The following ANTXRL variants were observed in gnomAD, a reference collection of about 807,000 sequenced individuals.
The protein encoded by ANTXRL is anthrax toxin receptor-like.
A neutral mutation model predicts 75.4 loss-of-function variants in ANTXRL; 63 were observed. That is an observed-to-expected ratio of 0.84 (90% CI 0.68 to 1.03). The LOEUF (loss-of-function observed/expected upper bound fraction) is 1.03, where lower values mean the gene tolerates loss of function less well. ANTXRL is among the 50% of genes least tolerant of loss of function. ANTXRL has a pLI of 0.00. For synonymous variants in ANTXRL, 335 were observed against 291.3 expected (o/e 1.15, Z -1.53); for missense variants, 797 against 789.4 (o/e 1.01, Z -0.12).
At chr10:46,308,599 G>A (rs1390517933) in intron 12 of ANTXRL, 2 of 376,446 alleles carry the variant, frequency 5.3e-6, no homozygotes, top group African/African-American at 4.2e-5. Context: ...CTGGTTCTGA[G>A]CCAGGACTTG....
chr10:46,305,178 T>C (rs1175628030), intron 10 of ANTXRL, among the ~76,000 whole-genome samples: 1 of 152,182 alleles, frequency 6.6e-6, no homozygotes, highest in Non-Finnish European at 1.5e-5. Flanking sequence ...TAGATGGCAG[T>C]GTGCCTTCCC....
At chr10:46,306,517 T>G (rs1776549656) in intron 10 of ANTXRL, among the ~76,000 whole-genome samples, 1 of 152,114 alleles carries the variant, frequency 6.6e-6, no homozygotes, top group African/African-American at 2.4e-5. Context: ...TTGCACTCTC[T>G]GTCATCTGTT....
At chr10:46,323,316 A>G (rs1839065658) in intron 16 of ANTXRL, among the ~76,000 whole-genome samples, 1 of 152,168 alleles carries the variant, frequency 6.6e-6, no homozygotes, top group African/African-American at 2.4e-5. Flanking sequence ...GGATTAGCCA[A>G]TGTACTGTCT....
At position 46,300,830 on chromosome 10, in the gene ANTXRL, T is replaced by C. The variant is rs1364171869; in HGVS notation, c.797-1892T>C. ...CTGGTTGTCTATGTCTAAGCATAAT[T>C]TTCTTATTTAGTTCTTTGGTTTTCT... On this transcript the variant is annotated intron_variant, in intron 9 of 16. Transcript: ENST00000620264. Among the ~76,000 whole-genome samples the C allele has an allele frequency of 2.0e-5, 3 of 152,164 alleles. No homozygotes were observed. The East Asian group carries it at 5.8e-4, about 29-fold the overall frequency.
intron 3 of ANTXRL, among the ~76,000 whole-genome samples, chr10:46,294,900 C>T (rs1554958086): frequency 1.3e-5 from 2 of 152,104 alleles, no homozygotes; most frequent in Non-Finnish European, 2.9e-5. Context: ...AGCCATCCTT[C>T]AGGGTCCATG....
chr10:46,295,616 TAG>T (rs1209142980), intron 3 of ANTXRL, among the ~76,000 whole-genome samples: 1 of 147,958 alleles, frequency 6.8e-6, no homozygotes, highest in East Asian at 2.0e-4. Context: ...GAGTTAGAGT[TAG>T]AGTTAGGAAT....
rs563820020 is a variant in ANTXRL, at chr10:46,311,585, C to T, written c.1249C>T (p.Pro417Ser). 1 of 1,495,860 alleles carries T rather than the reference C, an allele frequency of 6.7e-7. No homozygotes were observed. The highest frequency in any genetic ancestry group is 1.4e-5 in the African/African-American group (1 of 72,184). 92.7% of individuals were successfully genotyped at this position (1,495,860 alleles called of 1,614,324 possible). A position where few individuals can be genotyped will look rare whatever the true frequency, so the allele number is the denominator to read the frequency against. Residue 417 changes from proline (P) to serine (S), a missense_variant, in exon 15 of 17, where the codon CCA (proline) becomes TCA (serine). Pro to Ser is a moderately conservative substitution (Grantham distance 74, BLOSUM62 -1). Around this residue, in one of 3 missense-constraint regions of ANTXRL, gnomAD observed 479 missense variants for 422.0 expected, o/e 1.14. Coordinates refer to ENST00000620264, the MANE Select transcript of ANTXRL (RefSeq NM_001278688.3). ...ACCACCTCCACTCCCGCCTCCGCCC[C>T]CAGCTCCTGTAAACACCTGCCCCAC... ...PPPPPLPPPPPAPVNTCPTVI... is the reference protein window; with the variant it reads ...PPPPPLPPPPSAPVNTCPTVI...
chr10:46,301,726 T>A (rs1837756444), intron 9 of ANTXRL, among the ~76,000 whole-genome samples: 1 of 152,222 alleles, frequency 6.6e-6, no homozygotes, highest in Admixed American at 6.5e-5. Flanking sequence ...TCAGAAAGCA[T>A]GTCGGTAGGC....
At chr10:46,312,838 C>T (rs1443032180) in intron 15 of ANTXRL, among the ~76,000 whole-genome samples, 2 of 150,944 alleles carry the variant, frequency 1.3e-5, no homozygotes, top group Non-Finnish European at 3.0e-5. Flanking sequence ...GGGCATGGTC[C>T]TCTCACCTGC....
intron 1 of ANTXRL, among the ~76,000 whole-genome samples, chr10:46,290,164 TC>T (rs1554956125): frequency 2.7e-5 from 4 of 149,116 alleles, no homozygotes; most frequent in Non-Finnish European, 1.5e-5. Context: ...TGCATCAGCC[TC>T]CTGAGTAGCT....
intron 16 of ANTXRL, among the ~76,000 whole-genome samples, chr10:46,317,393 T>G (rs60358125): frequency 0.04 from 6,020 of 152,228 alleles, 380 homozygotes; most frequent in African/African-American, 0.14. Flanking sequence ...GCAGACCTCC[T>G]TCTAAATTCG....
intron 9 of ANTXRL, 46 bp downstream of exon 9, chr10:46,298,108 G>C: frequency 8.3e-7 from 1 of 1,206,244 alleles, no homozygotes; most frequent in Non-Finnish European, 1.2e-6. Flanking sequence ...TGGTGTGCAT[G>C]AGTGCATGCG....
intron 12 of ANTXRL, chr10:46,308,811 G>A (rs1197366484): frequency 3.6e-5 from 16 of 441,298 alleles, no homozygotes; most frequent in Admixed American, 7.3e-5. Context: ...TCTTTGTACC[G>A]GTAGATTTTG....
At chr10:46,308,519 G>T in intron 12 of ANTXRL, 1 of 443,316 alleles carries the variant, frequency 2.3e-6, no homozygotes, top group Non-Finnish European at 4.5e-6. Context: ...TCCCACGGAT[G>T]CCGCCCAAGA....
chr10:46,306,669 C>G, intron 10 of ANTXRL, 134 bp from the exon 11 acceptor site: 1 of 667,948 alleles, frequency 1.5e-6, no homozygotes, highest in Non-Finnish European at 2.4e-6. Flanking sequence ...TTGCAGGGGT[C>G]TGTGCAATAG....
chr10:46,291,710 A>T (rs1215536174), intron 1 of ANTXRL, among the ~76,000 whole-genome samples: 1 of 151,896 alleles, frequency 6.6e-6, no homozygotes, highest in African/African-American at 2.4e-5. Flanking sequence ...CTATATTTGG[A>T]TTGTTCACTG....
chr10:46,302,379 CA>C (rs1837805305), intron 9 of ANTXRL, among the ~76,000 whole-genome samples: 1 of 152,154 alleles, frequency 6.6e-6, no homozygotes, highest in African/African-American at 2.4e-5. Flanking sequence ...GCACGGCCTG[CA>C]CACCTGGGGC....
chr10:46,289,721 C>T (rs1211330662), intron 1 of ANTXRL, among the ~76,000 whole-genome samples: 1 of 152,062 alleles, frequency 6.6e-6, no homozygotes, highest in Admixed American at 6.6e-5. Flanking sequence ...AGAGTGAGAC[C>T]CTGTCTCAAA....
intron 2 of ANTXRL, among the ~76,000 whole-genome samples, chr10:46,293,365 AGTGTGCC>A (rs1837134441): frequency 9.3e-5 from 8 of 85,976 alleles, no homozygotes; most frequent in South Asian, 3.9e-4. Context: ...TGTGCATGTG[AGTGTGCC>A]TGTGTGTGAG....
Sources: allele counts gnomAD v4.1 joint callset (sites outside exome capture counted in the v4.1 genomes callset), GRCh38; gene constraint gnomAD v4.1.1; regional missense constraint gnomAD v4.1.1; transcripts MANE v1.5; gene names NCBI Gene and HGNC (gene_info 2026-07-23, HGNC 2026-07-21).